Variants in DPH6 observed in about 807,000 individuals in gnomAD.
The protein encoded by DPH6 is diphthine--ammonia ligase.
A neutral mutation model predicts 38.2 loss-of-function variants in DPH6; 33 were observed. That is an observed-to-expected ratio of 0.86 (90% confidence interval 0.65 to 1.15). The LOEUF is 1.15. DPH6 is among the 50% of genes most tolerant of loss of function. DPH6 has a pLI of 0.00. For synonymous variants in DPH6, 108 were observed against 103.0 expected (o/e 1.05, Z -0.30); for missense variants, 325 against 320.0 (o/e 1.02, Z -0.12).
At chr15:35,361,436 C>T (rs1350181372) in intron 3 of DPH6, among the ~76,000 whole-genome samples, 1 of 151,848 alleles carries the variant, frequency 6.6e-6, no homozygotes, top group Non-Finnish European at 1.5e-5. Context: ...TATTTTTAGT[C>T]CTTTGATCTT....
At chr15:35,461,846 CT>C (rs1208935110) in intron 3 of DPH6, among the ~76,000 whole-genome samples, 4 of 152,140 alleles carry the variant, frequency 2.6e-5, no homozygotes, top group Non-Finnish European at 2.9e-5. Context: ...TTACTCTCTT[CT>C]ATATAGAAGG....
At position 35,454,555 on chromosome 15, in the gene DPH6, C is replaced by T. The variant is rs567022068; in HGVS notation, c.386+192G>A. On this transcript the variant is annotated intron_variant, in intron 4 of 8. Transcript: ENST00000256538. ...CCTTACACTAAATAAGTTAAGTTTC[C>T]TCATGTGAGATATAAGGATAGAAAA... Among the ~76,000 whole-genome samples, 16 of 152,068 alleles carry T rather than the reference C, an allele frequency of 1.1e-4. 1 individual carries two copies. The South Asian group carries it at 2.9e-3, about 28-fold the overall frequency.
At chr15:35,366,103 A>C (rs1258968350), downstream of DPH6, 3 of 833,850 alleles carry the variant, frequency 3.6e-6, no homozygotes, top group Non-Finnish European at 4.3e-6. Flanking sequence ...GGTTGTATAG[A>C]GGCAGTGGCA....
intron 3 of DPH6, among the ~76,000 whole-genome samples, chr15:35,287,104 A>G (rs1423255642): frequency 6.6e-6 from 1 of 152,188 alleles, no homozygotes; most frequent in Non-Finnish European, 1.5e-5. Context: ...CATATCCACA[A>G]TGCTGAAATT....
the DPH6 span, among the ~76,000 whole-genome samples, chr15:35,202,832 T>C: frequency 4.0e-5 from 6 of 151,894 alleles, no homozygotes; most frequent in South Asian, 1.2e-3. Context: ...TATTATTATT[T>C]TTTAAACATG....
At chr15:35,419,662 C>T (rs1031529085) in intron 5 of DPH6, among the ~76,000 whole-genome samples, 1 of 152,008 alleles carries the variant, frequency 6.6e-6, no homozygotes, top group Non-Finnish European at 1.5e-5. Context: ...TAACCTTAGA[C>T]AGAATAGGTT....
the DPH6 span, among the ~76,000 whole-genome samples, chr15:35,177,290 T>C: frequency 6.6e-6 from 1 of 151,894 alleles, no homozygotes; most frequent in Admixed American, 6.6e-5. Context: ...ACTAATTTAT[T>C]TGGGCCATGC....
At chr15:35,174,970 T>C in the DPH6 span, among the ~76,000 whole-genome samples, 1 of 152,222 alleles carries the variant, frequency 6.6e-6, no homozygotes, top group Non-Finnish European at 1.5e-5. Flanking sequence ...AACATCTGTA[T>C]TTATGTTTTC....
At chr15:35,245,399 C>T (rs2051630350) in intron 3 of DPH6, among the ~76,000 whole-genome samples, 1 of 151,878 alleles carries the variant, frequency 6.6e-6, no homozygotes, top group Non-Finnish European at 1.5e-5. Context: ...CCACCATGCC[C>T]GGATAATTTT....
downstream of DPH6, among the ~76,000 whole-genome samples, chr15:35,214,181 T>A (rs1346097704): frequency 6.6e-6 from 1 of 151,824 alleles, no homozygotes; most frequent in Admixed American, 6.6e-5. Flanking sequence ...GTCCCAAGTA[T>A]CCTCATGTTG....
At chr15:35,412,271 GC>G (rs2053376432) in intron 5 of DPH6, among the ~76,000 whole-genome samples, 2 of 151,598 alleles carry the variant, frequency 1.3e-5, no homozygotes, top group African/African-American at 4.8e-5. Context: ...CCAGAGAAAT[GC>G]AAATAAAACA....
At chr15:35,384,750 G>T (rs531903259) in intron 6 of DPH6, among the ~76,000 whole-genome samples, 3 of 151,846 alleles carry the variant, frequency 2.0e-5, no homozygotes, top group Non-Finnish European at 4.4e-5. Context: ...CAGGGATGAG[G>T]AGAAGGAACA....
At chr15:35,408,248 G>C (rs775431968) in intron 6 of DPH6, among the ~76,000 whole-genome samples, 1 of 152,044 alleles carries the variant, frequency 6.6e-6, no homozygotes, top group Non-Finnish European at 1.5e-5. Context: ...AGTTTTGACT[G>C]AGTGACACAA....
intron 3 of DPH6, among the ~76,000 whole-genome samples, chr15:35,352,778 T>A (rs2052526552): frequency 6.6e-6 from 1 of 152,228 alleles, no homozygotes; most frequent in African/African-American, 2.4e-5. Context: ...TGATTTATAA[T>A]CCTTTGGGTA....
intron 5 of DPH6, among the ~76,000 whole-genome samples, chr15:35,436,522 G>T (rs1235746732): frequency 4.2e-5 from 1 of 23,790 alleles, no homozygotes; most frequent in Non-Finnish European, 1.3e-4. Flanking sequence ...AACAAAAAAG[G>T]TTCTCTCCCT....
At chr15:35,405,389 G>A (rs1356214308) in intron 6 of DPH6, among the ~76,000 whole-genome samples, 1 of 151,916 alleles carries the variant, frequency 6.6e-6, no homozygotes, top group Non-Finnish European at 1.5e-5. Flanking sequence ...TTTTTCATCA[G>A]TGTTTTATAG....
chr15:35,538,313 A>T lies in DPH6; in HGVS notation c.273T>A (p.Asp91Glu), dbSNP rs190661558. ...TRQVYTKCEG[D>E]EVEDLYELLK... ...AAAGCTCATAGAGATCTTCAACCTC[A>T]TCACCTTCACATTTGGTGTACACTT... Residue 91 changes from aspartate (D) to glutamate (E), a missense_variant, in exon 3 of 9, where the codon GAT (aspartate) becomes GAA (glutamate). Transcript: ENST00000256538. The T allele has an allele frequency of 6.3e-7, 1 of 1,598,318 alleles. No individual in the cohort carries two copies. The highest frequency in any genetic ancestry group is 1.1e-5 in the South Asian group (1 of 89,574).
the DPH6 span, among the ~76,000 whole-genome samples, chr15:35,188,370 C>G: frequency 6.6e-6 from 1 of 152,102 alleles, no homozygotes; most frequent in Non-Finnish European, 1.5e-5. Context: ...GCTCACTTCT[C>G]AAGTGCTAGT....
chr15:35,407,073 A>C (rs1266597861), intron 6 of DPH6, among the ~76,000 whole-genome samples: 4 of 151,896 alleles, frequency 2.6e-5, no homozygotes, highest in Admixed American at 2.0e-4. Context: ...CAGTTTCAAG[A>C]AGCAACACAC....
Sources: allele counts gnomAD v4.1 joint callset (sites outside exome capture counted in the v4.1 genomes callset), GRCh38; gene constraint gnomAD v4.1.1; transcripts MANE v1.5; gene names NCBI Gene and HGNC (gene_info 2026-07-23, HGNC 2026-07-21).